Variants in CNBD1 observed in about 807,000 individuals in gnomAD.
CNBD1 encodes the protein cyclic nucleotide binding domain containing 1.
CNBD1 carries 71 observed loss-of-function variants against 54.4 expected under a neutral mutation model. The ratio of observed to expected loss-of-function variants is 1.30; its 90% CI spans 1.08 to 1.59. The LOEUF (loss-of-function observed/expected upper bound fraction) is 1.59. Among genes scored for constraint, CNBD1 ranks in the 40% most tolerant of loss-of-function variants. CNBD1 has a pLI of 0.00. For synonymous variants in CNBD1, 182 were observed against 170.7 expected, an observed-to-expected ratio of 1.07 and a Z score of -0.51; for missense variants, 659 against 518.0, an observed-to-expected ratio of 1.27 and a Z score of -2.64.
At chr8:87,095,688 C>T (rs573925569) in intron 4 of CNBD1, among the ~76,000 whole-genome samples, 3 of 152,260 alleles carry the variant, frequency 2.0e-5, no homozygotes, top group African/African-American at 4.8e-5. Context: ...GACGGAGTCT[C>T]GCTCTGTCGC....
At chr8:87,000,347 C>T (rs773341118) in intron 4 of CNBD1, among the ~76,000 whole-genome samples, 99 of 152,128 alleles carry the variant, frequency 6.5e-4, no homozygotes, top group Non-Finnish European at 1.1e-3. Context: ...TTGAGGCCTC[C>T]CCAGCCATGT....
chr8:86,918,849 G>A (rs974298341), intron 3 of CNBD1, among the ~76,000 whole-genome samples: 2 of 149,674 alleles, frequency 1.3e-5, no homozygotes, highest in Non-Finnish European at 3.0e-5. Flanking sequence ...TTTTGTGTAG[G>A]CATCACCCAC....
At chr8:87,171,507 T>G (rs905956697) in intron 4 of CNBD1, among the ~76,000 whole-genome samples, 1 of 152,032 alleles carries the variant, frequency 6.6e-6, no homozygotes, top group Non-Finnish European at 1.5e-5. Context: ...GGTTCAATTT[T>G]ATTTATCTCT....
rs112734721 is a variant in CNBD1 at position 87,160,859 on chromosome 8, A to C, written c.432-45134A>C. ...GTATTATCGTGGAGAACACTCTTTG[A>C]TGATTGGCTATGTAAAGGTGAAAGT... On this transcript the variant is annotated intron_variant, in intron 4 of 10. Coordinates refer to ENST00000518476, the MANE Select transcript of CNBD1 (RefSeq NM_173538.3). Among the ~76,000 whole-genome samples the C allele has an allele frequency of 2.7e-3, 414 of 152,224 alleles. 3 individuals carry two copies. The highest frequency in any genetic ancestry group is 9.6e-3 in the African/African-American group (398 of 41,554).
chr8:87,358,565 C>CAA (rs10668828), intron 10 of CNBD1, among the ~76,000 whole-genome samples: 40,611 of 151,116 alleles, frequency 0.27, 6,352 homozygotes, highest in Middle Eastern at 0.4. Flanking sequence ...CAAAGTTCTT[C>CAA]AAAAAAAACA....
intron 4 of CNBD1, among the ~76,000 whole-genome samples, chr8:87,189,464 A>G (rs1813552694): frequency 6.6e-6 from 1 of 152,170 alleles, no homozygotes; most frequent in Non-Finnish European, 1.5e-5. Flanking sequence ...GAAATATGCT[A>G]CTATAGTATT....
At chr8:87,317,534 G>T (rs1049354515) in intron 8 of CNBD1, among the ~76,000 whole-genome samples, 1 of 151,438 alleles carries the variant, frequency 6.6e-6, no homozygotes, top group East Asian at 1.9e-4. Flanking sequence ...ATTATTAATT[G>T]TGTAATTATT....
At chr8:87,334,727 T>C (rs1050079547) in intron 8 of CNBD1, among the ~76,000 whole-genome samples, 82 of 139,994 alleles carry the variant, frequency 5.9e-4, no homozygotes, top group African/African-American at 2.1e-3. Flanking sequence ...TTCTTTTCTT[T>C]TTTTTTTTTT....
chr8:87,285,828 C>T (rs1303064051), intron 7 of CNBD1, among the ~76,000 whole-genome samples: 1 of 152,162 alleles, frequency 6.6e-6, no homozygotes, highest in Non-Finnish European at 1.5e-5. Flanking sequence ...AAAGATCGCA[C>T]CATTGCACTC....
intron 6 of CNBD1, among the ~76,000 whole-genome samples, chr8:87,263,436 C>T (rs1337266946): frequency 6.6e-6 from 1 of 152,116 alleles, no homozygotes; most frequent in East Asian, 1.9e-4. Context: ...TCAGGACATG[C>T]TGGCTGGCTT....
At chr8:87,386,275 C>A (rs186788850), downstream of CNBD1, among the ~76,000 whole-genome samples, 23 of 152,186 alleles carry the variant, frequency 1.5e-4, no homozygotes, top group African/African-American at 4.8e-4. Context: ...ATGACTTTAA[C>A]GAGTTGAGAG....
At chr8:87,133,925 G>A (rs954410384) in intron 4 of CNBD1, among the ~76,000 whole-genome samples, 11 of 152,102 alleles carry the variant, frequency 7.2e-5, no homozygotes, top group Non-Finnish European at 1.6e-4. Context: ...GCACTCAGAA[G>A]TATTTGGTTT....
rs574237454 is a variant in CNBD1 at position 87,028,721 on chromosome 8, T to A, written c.431+88967T>A. ...TCATTGTCTGGATGTGGTGATCTGATGATTTTCAATTATTTGGTACCTTTT... is the reference window on the plus strand; with the variant it reads ...TCATTGTCTGGATGTGGTGATCTGAAGATTTTCAATTATTTGGTACCTTTT... On this transcript the variant is annotated intron_variant, in intron 4 of 10. Transcript: ENST00000518476. 4.6e-5 allele frequency among the ~76,000 whole-genome samples: 7 copies of A among 152,338 alleles called. No homozygotes were observed. The East Asian group carries it at 1.2e-3, about 25-fold the overall frequency.
chr8:87,281,572 AT>A (rs1563536674), intron 6 of CNBD1, among the ~76,000 whole-genome samples: 2 of 31,652 alleles, frequency 6.3e-5, no homozygotes, highest in Admixed American at 2.7e-4. Context: ...ATATATATAT[AT>A]ATATATATAT....
At chr8:86,939,795 TC>T in intron 4 of CNBD1, 41 bp downstream of exon 4, 5 of 1,239,660 alleles carry the variant, frequency 4.0e-6, no homozygotes, top group Non-Finnish European at 5.6e-6. Flanking sequence ...ATTGAGTAAT[TC>T]TTTTGAATGG....
chr8:86,893,824 T>A lies in CNBD1; in HGVS notation c.158+6213T>A, dbSNP rs188446097. ...TTTTGTTACCTTTTCTCTTTATTTCTCCATGTGTTATAATTAGATTCTGCT... is the reference window on the plus strand; with the variant it reads ...TTTTGTTACCTTTTCTCTTTATTTCACCATGTGTTATAATTAGATTCTGCT... On this transcript the variant is annotated intron_variant, in intron 2 of 10. Transcript: ENST00000518476. 3.8e-3 allele frequency among the ~76,000 whole-genome samples: 575 copies of A among 152,142 alleles called. 2 individuals are homozygous for A. The highest frequency in any genetic ancestry group is 4.4e-3 in the Non-Finnish European group (299 of 67,996).
At chr8:86,873,923 A>AT (rs1377287144) in intron 1 of CNBD1, among the ~76,000 whole-genome samples, 1 of 152,184 alleles carries the variant, frequency 6.6e-6, no homozygotes, top group Non-Finnish European at 1.5e-5. Flanking sequence ...TTAAAAAAAC[A>AT]TTGTTACATA....
chr8:87,395,058 T>A (rs538539912), intron 2 of CNBD1, among the ~76,000 whole-genome samples: 1 of 152,048 alleles, frequency 6.6e-6, no homozygotes, highest in Admixed American at 6.6e-5. Flanking sequence ...GCTTAATGTT[T>A]TTTTTACTCA....
chr8:87,125,282 A>C (rs969051881), intron 4 of CNBD1, among the ~76,000 whole-genome samples: 1 of 151,790 alleles, frequency 6.6e-6, no homozygotes, highest in African/African-American at 2.4e-5. Flanking sequence ...GTAATAAAAA[A>C]ATCAATATTA....
Sources: allele counts gnomAD v4.1 joint callset (sites outside exome capture counted in the v4.1 genomes callset), GRCh38; gene constraint gnomAD v4.1.1; transcripts MANE v1.5; gene names NCBI Gene and HGNC (gene_info 2026-07-23, HGNC 2026-07-21).